Variants in CIMAP1D observed in about 807,000 individuals in gnomAD.
The protein encoded by CIMAP1D is protein CIMAP1D.
chr19:487,375 A>C, the CIMAP1D span, among the ~76,000 whole-genome samples: 4,341 of 146,752 alleles, frequency 0.03, 112 homozygotes, highest in South Asian at 0.11. Flanking sequence ...GGTTTATGGC[A>C]TAACTAGCCT....
chr19:488,391 A>T, the CIMAP1D span, among the ~76,000 whole-genome samples: 1 of 151,902 alleles, frequency 6.6e-6, no homozygotes, highest in East Asian at 2.0e-4. Flanking sequence ...GCGTGGTGGC[A>T]GGCGCCTGTA....
At chr19:488,309 T>A in the CIMAP1D span, among the ~76,000 whole-genome samples, 1 of 149,622 alleles carries the variant, frequency 6.7e-6, no homozygotes, top group Non-Finnish European at 1.5e-5. Context: ...GATCACGAGG[T>A]CAGGAGATCG....
chr19:479,962 C>T, the CIMAP1D span, among the ~76,000 whole-genome samples: 1 of 152,190 alleles, frequency 6.6e-6, no homozygotes, highest in Non-Finnish European at 1.5e-5. Context: ...CTACGTTTGT[C>T]CCTTCGTTCA....
the CIMAP1D span, chr19:489,233 CA>C: frequency 2.6e-5 from 4 of 152,258 alleles, no homozygotes; most frequent in Middle Eastern, 3.2e-3. Context: ...TCGAGAATGT[CA>C]TCAGCAGGGA....
the CIMAP1D span, among the ~76,000 whole-genome samples, chr19:485,828 C>T: frequency 6.6e-6 from 1 of 152,226 alleles, no homozygotes; most frequent in Non-Finnish European, 1.5e-5. Context: ...GTGTTTGTGG[C>T]TGCTGCCACC....
the CIMAP1D span, among the ~76,000 whole-genome samples, chr19:487,336 G>A: frequency 5.3e-5 from 8 of 152,186 alleles, no homozygotes; most frequent in African/African-American, 1.9e-4. Flanking sequence ...ACATTTCTCC[G>A]CACAGCACCA....
the CIMAP1D span, among the ~76,000 whole-genome samples, chr19:466,026 ATGGATGGGTGGG>A: frequency 3.5e-4 from 39 of 111,334 alleles, no homozygotes; most frequent in East Asian, 2.7e-3. Context: ...GGGTGGATAG[ATGGATGGGTGGG>A]TGGATGGGTG....
At chr19:479,956 G>A in the CIMAP1D span, among the ~76,000 whole-genome samples, 53 of 152,080 alleles carry the variant, frequency 3.5e-4, no homozygotes, top group African/African-American at 1.2e-3. Context: ...CATTTTCTAC[G>A]TTTGTCCCTT....
the CIMAP1D span, among the ~76,000 whole-genome samples, chr19:488,648 C>T: frequency 1.3e-5 from 2 of 152,244 alleles, no homozygotes; most frequent in African/African-American, 4.8e-5. Flanking sequence ...CGAAGCGGGC[C>T]GGAAGCCCCG....
chr19:488,327 C>G, the CIMAP1D span, among the ~76,000 whole-genome samples: 4 of 151,872 alleles, frequency 2.6e-5, no homozygotes, highest in Non-Finnish European at 5.9e-5. Flanking sequence ...TCGAGACCAT[C>G]CTGGCTAACA....
chr19:478,700 C>T, the CIMAP1D span, among the ~76,000 whole-genome samples: 1 of 152,248 alleles, frequency 6.6e-6, no homozygotes, highest in East Asian at 1.9e-4. Flanking sequence ...TAAATCACAA[C>T]AGTGAAAAAA....
At chr19:480,284 C>T in the CIMAP1D span, among the ~76,000 whole-genome samples, 4 of 152,184 alleles carry the variant, frequency 2.6e-5, no homozygotes, top group Admixed American at 6.5e-5. Flanking sequence ...GGGTCCTGCA[C>T]GGCCTGTGGA....
chr19:476,244 G>A, the CIMAP1D span, among the ~76,000 whole-genome samples: 353 of 151,958 alleles, frequency 2.3e-3, 1 homozygote, highest in Non-Finnish European at 3.9e-3. Flanking sequence ...TAGTAGAGAC[G>A]GGGTTTCACC....
chr19:482,109 A>G, the CIMAP1D span, among the ~76,000 whole-genome samples: 1 of 152,236 alleles, frequency 6.6e-6, no homozygotes, highest in Non-Finnish European at 1.5e-5. Flanking sequence ...TATCAAAAAA[A>G]GAGAAACACG....
chr19:485,102 G>A, the CIMAP1D span, among the ~76,000 whole-genome samples: 1 of 151,780 alleles, frequency 6.6e-6, no homozygotes, highest in Non-Finnish European at 1.5e-5. Context: ...AGGAGGGGAG[G>A]GTCCTGGAAG....
the CIMAP1D span, chr19:467,735 G>A: frequency 1.2e-6 from 2 of 1,608,638 alleles, no homozygotes; most frequent in Non-Finnish European, 1.7e-6. Context: ...GAAGTAGATG[G>A]GGCCCGGGCT....
chr19:469,428 G>A, the CIMAP1D span, among the ~76,000 whole-genome samples: 3 of 152,224 alleles, frequency 2.0e-5, no homozygotes, highest in South Asian at 2.1e-4. Context: ...GGTGGCTCAC[G>A]CCTGTCATCC....
At chr19:463,817 G>T in the CIMAP1D span, 5 of 1,582,380 alleles carry the variant, frequency 3.2e-6, no homozygotes, top group Non-Finnish European at 4.3e-6. Context: ...CCAGCCCCCC[G>T]TTCACTGTGT....
At chr19:480,834 A>AG in the CIMAP1D span, among the ~76,000 whole-genome samples, 2 of 72,598 alleles carry the variant, frequency 2.8e-5, no homozygotes, top group Non-Finnish European at 4.8e-5. Flanking sequence ...AGGATGATGG[A>AG]AAGGATGATG....
Sources: gnomAD v4.1 joint callset for allele counts (sites outside exome capture counted in the v4.1 genomes callset) on GRCh38, gnomAD v4.1.1 for gene constraint, MANE v1.5 for transcripts, NCBI Gene and HGNC (gene_info 2026-07-23, HGNC 2026-07-21) for gene names.